CDH13: variants seen among roughly 807,000 people sequenced by gnomAD.
CDH13 encodes the protein cadherin-13.
Under a neutral mutation model 63.8 loss-of-function variants are expected in CDH13, and 24 were observed. That is an observed-to-expected ratio of 0.38 (90% CI 0.27 to 0.53). CDH13 has a LOEUF of 0.53. Among genes scored for constraint, CDH13 ranks in the 20% least tolerant of loss-of-function variants. CDH13 has a pLI of 0.85. For missense variants in CDH13, 1,049 were observed against 903.1 expected, an observed-to-expected ratio of 1.16 and a Z score of -2.07; for synonymous variants, 503 against 355.3, an observed-to-expected ratio of 1.42 and a Z score of -4.67.
rs755395113 is a variant in CDH13 at position 83,754,592 on chromosome 16, G to A, written c.1681+6342G>A. The stretch of plus-strand genomic sequence containing the variant: ...GGGAGATAATTGAATCATGGGGGCA[G>A]TTTCCCCCATACTGTTCTCATGGTA... On this transcript the variant is annotated intron_variant, in intron 11 of 13. Coordinates refer to ENST00000567109, the MANE Select transcript of CDH13 (RefSeq NM_001257.5). Among the ~76,000 whole-genome samples the A allele has an allele frequency of 1.8e-4, 28 of 152,282 alleles. No individual in the cohort carries two copies. In the Middle Eastern group the frequency reaches 0.01, roughly 55 times the overall value.
chr16:83,752,913 C>T (rs558358621), intron 11 of CDH13, among the ~76,000 whole-genome samples: 1 of 152,256 alleles, frequency 6.6e-6, no homozygotes, highest in East Asian at 1.9e-4. Context: ...TTCCATGACC[C>T]AAGAAATATA....
chr16:82,721,831 A>G (rs9935106), intron 1 of CDH13, among the ~76,000 whole-genome samples: 5 of 152,146 alleles, frequency 3.3e-5, no homozygotes, highest in African/African-American at 1.2e-4. Context: ...CAGAGAGGGC[A>G]GGGAGGAGAG....
Position 83,217,365 on chromosome 16 carries a change from A to G in CDH13, c.504A>G (p.Pro168=), listed in dbSNP as rs912596761. The change falls in exon 5 of 14, where the codon CCA becomes CCG. Residue 168 remains proline (P), a synonymous_variant. Coordinates refer to ENST00000567109, the MANE Select transcript of CDH13 (RefSeq NM_001257.5). ...DVGKVVDSDR[P]ERSKFRLTGK... Reference sequence around the variant, plus strand: ...ACTAGGTAGTCGATAGTGACAGGCCAGAAAGGTCCAAGTTCCGGCTCACTG... The same window carrying G: ...ACTAGGTAGTCGATAGTGACAGGCCGGAAAGGTCCAAGTTCCGGCTCACTG... The G allele has an allele frequency of 1.4e-5, 22 of 1,613,860 alleles. No homozygotes were observed. In the South Asian group the frequency reaches 1.6e-4, roughly 12 times the overall value.
At chr16:83,252,375 A>G (rs1468937783) in intron 5 of CDH13, among the ~76,000 whole-genome samples, 1 of 151,786 alleles carries the variant, frequency 6.6e-6, no homozygotes, top group African/African-American at 2.4e-5. Flanking sequence ...GGTTAATATA[A>G]TCATGGCCAT....
intron 1 of CDH13, among the ~76,000 whole-genome samples, chr16:82,802,583 A>G (rs1292175924): frequency 1.3e-5 from 2 of 152,200 alleles, no homozygotes; most frequent in Non-Finnish European, 2.9e-5. Context: ...AGGTGTGCCC[A>G]CAGCCCAGGG....
chr16:83,565,039 T>C (rs1257248345), intron 7 of CDH13, among the ~76,000 whole-genome samples: 1 of 152,224 alleles, frequency 6.6e-6, no homozygotes, highest in Non-Finnish European at 1.5e-5. Context: ...TTTTATCTCT[T>C]GCTCCTCAGC....
chr16:83,621,038 GC>G (rs1161039577), intron 8 of CDH13, among the ~76,000 whole-genome samples: 3 of 152,088 alleles, frequency 2.0e-5, no homozygotes, highest in Non-Finnish European at 4.4e-5. Flanking sequence ...ACGCCCTCGA[GC>G]CCTCCTCCTG....
intron 6 of CDH13, among the ~76,000 whole-genome samples, chr16:83,390,729 G>C (rs541340856): frequency 1.2e-4 from 19 of 152,262 alleles, no homozygotes; most frequent in African/African-American, 4.6e-4. Context: ...ACGGTGCTCA[G>C]TTCAACCTTA....
At chr16:83,575,018 A>T (rs1904977011) in intron 7 of CDH13, among the ~76,000 whole-genome samples, 2 of 152,360 alleles carry the variant, frequency 1.3e-5, no homozygotes, top group African/African-American at 4.8e-5. Flanking sequence ...TAATGAATTC[A>T]TAAACAAAAT....
chr16:83,002,341 C>T (rs372816537), intron 2 of CDH13, among the ~76,000 whole-genome samples: 2 of 152,240 alleles, frequency 1.3e-5, no homozygotes, highest in African/African-American at 4.8e-5. Flanking sequence ...GATGTGGCCT[C>T]AAGCCAAGAA....
chr16:83,222,542 C>T (rs2039728026), intron 5 of CDH13, among the ~76,000 whole-genome samples: 1 of 152,136 alleles, frequency 6.6e-6, no homozygotes, highest in Admixed American at 6.5e-5. Context: ...ATGTTATGAA[C>T]AAATGATGCA....
intron 1 of CDH13, among the ~76,000 whole-genome samples, chr16:82,635,334 G>T (rs922802549): frequency 1.3e-5 from 2 of 152,236 alleles, no homozygotes; most frequent in Non-Finnish European, 2.9e-5. Context: ...GAGCAGTAGG[G>T]CTTACAGACA....
At chr16:83,423,904 G>A (rs563331224) in intron 6 of CDH13, among the ~76,000 whole-genome samples, 1 of 152,338 alleles carries the variant, frequency 6.6e-6, no homozygotes, top group African/African-American at 2.4e-5. Flanking sequence ...TCCTATGGCA[G>A]TCTGGGACGT....
intron 6 of CDH13, among the ~76,000 whole-genome samples, chr16:83,393,513 C>A (rs372447643): frequency 3.3e-5 from 5 of 152,286 alleles, no homozygotes; most frequent in East Asian, 1.9e-4. Context: ...TACTGACGTG[C>A]CATGGCTGCC....
intron 13 of CDH13, among the ~76,000 whole-genome samples, chr16:83,794,521 C>G (rs934023112): frequency 6.6e-6 from 1 of 152,190 alleles, no homozygotes; most frequent in African/African-American, 2.4e-5. Flanking sequence ...CCACTACACT[C>G]CAGCTGGGGC....
At chr16:82,921,977 C>T (rs1459719500) in intron 2 of CDH13, among the ~76,000 whole-genome samples, 1 of 151,928 alleles carries the variant, frequency 6.6e-6, no homozygotes. Context: ...TTAATTTCTT[C>T]TTGAACCAGT....
intron 3 of CDH13, among the ~76,000 whole-genome samples, chr16:83,106,431 C>T (rs1445838297): frequency 6.6e-6 from 1 of 152,132 alleles, no homozygotes; most frequent in Non-Finnish European, 1.5e-5. Flanking sequence ...ATCCCAGCTA[C>T]CTGGGAGGCT....
chr16:83,123,536 C>T (rs529887128), intron 3 of CDH13, among the ~76,000 whole-genome samples: 1 of 152,262 alleles, frequency 6.6e-6, no homozygotes, highest in East Asian at 1.9e-4. Context: ...TCCTCAGCCT[C>T]CCAAAGGGCT....
At chr16:83,723,840 A>T (rs965199948) in intron 10 of CDH13, among the ~76,000 whole-genome samples, 6 of 152,356 alleles carry the variant, frequency 3.9e-5, no homozygotes, top group African/African-American at 1.4e-4. Flanking sequence ...GAATGAGGGG[A>T]TGGGTGGACA....
Sources: gnomAD v4.1 joint callset for allele counts (sites outside exome capture counted in the v4.1 genomes callset) on GRCh38, gnomAD v4.1.1 for gene constraint, MANE v1.5 for transcripts, NCBI Gene and HGNC (gene_info 2026-07-23, HGNC 2026-07-21) for gene names.